Variants in SCAF8 observed in about 807,000 individuals in gnomAD.
The protein encoded by SCAF8 is SR-related and CTD-associated factor 8.
Under a neutral mutation model 140.5 loss-of-function variants are expected in SCAF8, and 23 were observed. The observed-to-expected ratio is 0.16, with a 90% CI of 0.12 to 0.23. SCAF8 has a LOEUF of 0.23. Ranked by LOEUF, SCAF8 falls within the 10% of genes least tolerant of loss-of-function variation. SCAF8 has a pLI of 1.00. For missense variants in SCAF8, 1,397 were observed against 1,555.7 expected (o/e 0.90, Z 1.72); for synonymous variants, 575 against 528.9 (o/e 1.09, Z -1.20).
intron 4 of SCAF8, among the ~76,000 whole-genome samples, chr6:154,789,600 C>T (rs544930098): frequency 6.9e-6 from 1 of 144,768 alleles, no homozygotes; most frequent in Non-Finnish European, 1.5e-5. Context: ...GGCTGGAGTG[C>T]AGTGGTGCGA....
chr6:154,783,251 C>G (rs1013590895), intron 3 of SCAF8, among the ~76,000 whole-genome samples: 1 of 152,116 alleles, frequency 6.6e-6, no homozygotes, highest in Non-Finnish European at 1.5e-5. Context: ...TGCATGAGTA[C>G]TACAAGCAAA....
chr6:154,813,754 T>C (rs906908095), intron 12 of SCAF8, among the ~76,000 whole-genome samples: 10 of 152,132 alleles, frequency 6.6e-5, no homozygotes, highest in Non-Finnish European at 1.5e-5. Flanking sequence ...CCAGTTTAAT[T>C]ACACGGGTAC....
intron 1 of SCAF8, among the ~76,000 whole-genome samples, chr6:154,764,162 C>A (rs1270459743): frequency 6.6e-6 from 1 of 152,048 alleles, no homozygotes; most frequent in African/African-American, 2.4e-5. Flanking sequence ...AGTATAGAAA[C>A]TTAAAATTTT....
At chr6:154,781,732 T>C (rs192432542) in intron 3 of SCAF8, among the ~76,000 whole-genome samples, 1 of 152,372 alleles carries the variant, frequency 6.6e-6, no homozygotes, top group East Asian at 1.9e-4. Flanking sequence ...TTGGTTATTA[T>C]GAATAAAGCT....
intron 6 of SCAF8, among the ~76,000 whole-genome samples, chr6:154,800,648 G>A (rs1355677075): frequency 6.7e-6 from 1 of 149,382 alleles, no homozygotes; most frequent in East Asian, 1.9e-4. Flanking sequence ...TTGGAAAGGA[G>A]GGTAATGATT....
intron 10 of SCAF8, 67 bp from the exon 11 acceptor site, chr6:154,808,619 A>G (rs1583054787): frequency 9.8e-7 from 1 of 1,023,050 alleles, no homozygotes; most frequent in Non-Finnish European, 1.5e-6. Context: ...TTAAAAACAG[A>G]ATTGTCAATG....
chr6:154,806,602 A>T lies in SCAF8; in HGVS notation c.981+1116A>T, dbSNP rs559393854. 2.0e-5 allele frequency among the ~76,000 whole-genome samples: 3 copies of T among 152,302 alleles called. No homozygotes were observed. The South Asian group carries it at 6.2e-4, about 32-fold the overall frequency. ...GGTACAGCTGAAGGATTCTAGGAGC[A>T]TGGAGGGGGGAACAGTTATTTTAGA... On this transcript the variant is annotated intron_variant, in intron 9 of 19. Coordinates refer to ENST00000367178, the MANE Select transcript of SCAF8 (RefSeq NM_014892.5).
intron 6 of SCAF8, among the ~76,000 whole-genome samples, chr6:154,797,568 C>T (rs906413012): frequency 6.6e-6 from 1 of 151,088 alleles, no homozygotes; most frequent in Non-Finnish European, 1.5e-5. Flanking sequence ...GCTGATTTCT[C>T]TATTTTCAGT....
intron 18 of SCAF8, among the ~76,000 whole-genome samples, chr6:154,827,943 T>C (rs1778618029): frequency 6.6e-6 from 1 of 152,038 alleles, no homozygotes; most frequent in Admixed American, 6.6e-5. Flanking sequence ...CCACCACACT[T>C]GCACAGGCTC....
In SCAF8 at chr6:154,756,933, T is replaced by C. The variant is rs151322427; in HGVS notation, c.31-17056T>C. 5.7e-4 allele frequency among the ~76,000 whole-genome samples: 86 copies of C among 152,126 alleles called. 2 individuals carry two copies. The East Asian group carries it at 0.016, about 29-fold the overall frequency. The stretch of plus-strand genomic sequence containing the variant: ...GTCCCAGCTACTCGGGAGGCTGAGG[T>C]GGATCGCTTGAGCCTGGGAGACGGA... On this transcript the variant is annotated intron_variant, in intron 1 of 19. Transcript: ENST00000367178.
At chr6:154,823,180 G>T in intron 16 of SCAF8, among the ~76,000 whole-genome samples, 1 of 152,186 alleles carries the variant, frequency 6.6e-6, no homozygotes, top group East Asian at 1.9e-4. Context: ...CCTCTCTAAG[G>T]ACTTTGGCTT....
In SCAF8 at chr6:154,801,885, A is replaced by G. The variant is rs1777781087; in HGVS notation, c.607-86A>G. 2.4e-5 allele frequency: 20 copies of G among 836,866 alleles called. 1 individual carries two copies. Among genetic ancestry groups the G allele is most frequent in the South Asian group, 1.2e-4 (6 of 51,282 alleles). The allele number at this position is 836,866 out of a possible 1,614,324, so 51.8% of individuals were successfully genotyped here. A position where few individuals can be genotyped will look rare whatever the true frequency, so the allele number is the denominator to read the frequency against. On this transcript the variant is annotated intron_variant, in intron 6 of 19. Transcript: ENST00000367178. ...TTTTCAAAGAGAGTGTGGAATGATT[A>G]ATTTTACTGACTAAAAGTTTTAGGT...
intron 8 of SCAF8, among the ~76,000 whole-genome samples, chr6:154,804,383 C>G (rs17085676): frequency 0.05 from 7,675 of 152,170 alleles, 545 homozygotes; most frequent in African/African-American, 0.16. Context: ...TGCAAACTTG[C>G]AAGCAGCATT....
rs879841548 is a variant in SCAF8 at position 154,801,718 on chromosome 6, C to T, written c.607-253C>T. On this transcript the variant is annotated intron_variant, in intron 6 of 19. Coordinates refer to ENST00000367178, the MANE Select transcript of SCAF8 (RefSeq NM_014892.5). ...GAAAAAGGTGTCAGCTTGTGATGAG[C>T]GCTTTATCTGGTTGTCACAGATCAC... is the stretch of plus-strand genomic sequence containing the variant. Among the ~76,000 whole-genome samples the T allele has an allele frequency of 2.6e-5, 4 of 151,490 alleles. No individual in the cohort carries two copies. In the South Asian group the frequency reaches 6.2e-4, roughly 24 times the overall value.
In SCAF8 at chr6:154,805,429, A is replaced by G; in HGVS notation, c.924A>G (p.Gln308=). Reference sequence around the variant, plus strand: ...TTCATCAGATAGCAGAACAACTACAACAGCAAAACCTAGAACATCTCAGAC... The same window carrying G: ...TTCATCAGATAGCAGAACAACTACAGCAGCAAAACCTAGAACATCTCAGAC... ...SIFHQIAEQL[Q]QQNLEHLRQQ... Residue 308 remains glutamine, a synonymous_variant, in exon 9 of 20, where the codon CAA becomes CAG. Transcript: ENST00000367178. 3.1e-6 allele frequency: 5 copies of G among 1,612,576 alleles called. No individual in the cohort carries two copies. The highest frequency in any genetic ancestry group is 1.3e-5 in the African/African-American group (1 of 75,018).
intron 14 of SCAF8, among the ~76,000 whole-genome samples, chr6:154,819,070 C>T (rs1778337575): frequency 7.6e-6 from 1 of 131,088 alleles, no homozygotes; most frequent in Non-Finnish European, 1.6e-5. Flanking sequence ...TCTTCCTAAT[C>T]TTTATACTGA....
chr6:154,797,871 T>C (rs1410754545), intron 6 of SCAF8, among the ~76,000 whole-genome samples: 1 of 151,602 alleles, frequency 6.6e-6, no homozygotes, highest in Non-Finnish European at 1.5e-5. Flanking sequence ...TCTAAATTAA[T>C]GTAAGTATTC....
At chr6:154,801,811 A>T (rs1583048607) in intron 6 of SCAF8, among the ~76,000 whole-genome samples, 160 bp from the exon 7 acceptor site, 2 of 144,444 alleles carry the variant, frequency 1.4e-5, no homozygotes, top group East Asian at 3.8e-4. Flanking sequence ...GTGTTATATA[A>T]GGTACACAGA....
chr6:154,777,079 G>C (rs1404218965), intron 2 of SCAF8, among the ~76,000 whole-genome samples: 1 of 152,130 alleles, frequency 6.6e-6, no homozygotes, highest in Non-Finnish European at 1.5e-5. Flanking sequence ...TACTTGGGAG[G>C]CTGAGGCAGG....
Sources: allele counts gnomAD v4.1 joint callset (sites outside exome capture counted in the v4.1 genomes callset), GRCh38; gene constraint gnomAD v4.1.1; transcripts MANE v1.5; gene names NCBI Gene and HGNC (gene_info 2026-07-23, HGNC 2026-07-21).